The following CTSV variants were observed in gnomAD, a reference collection of about 807,000 sequenced individuals.
The protein encoded by CTSV is cathepsin L2.
A neutral mutation model predicts 35.6 loss-of-function variants in CTSV; 33 were observed. The ratio of observed to expected loss-of-function variants is 0.93; its 90% CI spans 0.70 to 1.24. The LOEUF (loss-of-function observed/expected upper bound fraction) is 1.24, where lower values mean the gene tolerates loss of function less well. Among genes scored for constraint, CTSV ranks in the 50% most tolerant of loss-of-function variants. CTSV has a pLI of 0.00. For synonymous variants in CTSV, 154 were observed against 147.1 expected, an observed-to-expected ratio of 1.05 and a Z score of -0.34; for missense variants, 408 against 413.1, an observed-to-expected ratio of 0.99 and a Z score of 0.11.
At position 97,032,676 on chromosome 9, in the gene CTSV, A is replaced by G. The variant is rs908416471; in HGVS notation, c.*273T>C. The G allele has an allele frequency of 6.2e-6, 2 of 321,020 alleles. No homozygotes were observed. Among genetic ancestry groups the G allele is most frequent in the Non-Finnish European group, 1.1e-5 (2 of 178,532 alleles). The allele number at this position is 321,020 out of a possible 1,614,324, so 19.9% of individuals were successfully genotyped here. ...CACCTTTATATACGAATTAAAATTT[A>G]TTTCAAACTGTTTTGTACATCTTTT... On this transcript the variant is annotated 3_prime_UTR_variant, in exon 8 of 8. Coordinates refer to ENST00000259470, the MANE Select transcript of CTSV (RefSeq NM_001333.4).
Position 97,032,916 on chromosome 9 carries a change from T to C in CTSV, c.*33A>G. 1 of 1,517,262 alleles carries C rather than the reference T, an allele frequency of 6.6e-7. No individual in the cohort carries two copies. The highest frequency in any genetic ancestry group is 9.0e-7 in the Non-Finnish European group (1 of 1,107,624). 94.0% of individuals were successfully genotyped at this position (1,517,262 alleles called of 1,614,324 possible). A position where few individuals can be genotyped will look rare whatever the true frequency, so the allele number is the denominator to read the frequency against. On this transcript the variant is annotated 3_prime_UTR_variant, in exon 8 of 8. Transcript: ENST00000259470. ...AGATAAAATTTCCCCAGACATGCTGTCCTTAAGTCCTTCCTCCTCACCATC... is the reference window on the plus strand; with the variant it reads ...AGATAAAATTTCCCCAGACATGCTGCCCTTAAGTCCTTCCTCCTCACCATC...
At position 97,031,108 on chromosome 9, in the gene CTSV, A is replaced by C. The variant is rs1383422548; in HGVS notation, c.*1841T>G. ...AGATTTGAAATTTTTTTATTTGAATAAAAAGCCATCACTCTTTCATTCAAT... is the reference window on the plus strand; with the variant it reads ...AGATTTGAAATTTTTTTATTTGAATCAAAAGCCATCACTCTTTCATTCAAT... On this transcript the variant is annotated 3_prime_UTR_variant, in exon 8 of 8. Coordinates refer to ENST00000259470, the MANE Select transcript of CTSV (RefSeq NM_001333.4). The C allele has an allele frequency of 6.6e-6, 1 of 152,238 alleles. No individual in the cohort carries two copies. Among genetic ancestry groups the C allele is most frequent in the Non-Finnish European group, 1.5e-5 (1 of 68,036 alleles). The allele number at this position is 152,238 out of a possible 1,614,324, so 9.4% of individuals were successfully genotyped here.
In CTSV at chr9:97,031,020, C is replaced by G. The variant is rs554872657; in HGVS notation, c.*1929G>C. ...CACAAGTTTAAAATATTTCAAAGGT[C>G]TTTGAAAATTATAAAATCTTGAAAT... On this transcript the variant is annotated 3_prime_UTR_variant, in exon 8 of 8. Coordinates refer to ENST00000259470, the MANE Select transcript of CTSV (RefSeq NM_001333.4). 7.9e-5 allele frequency: 12 copies of G among 152,270 alleles called. No homozygotes were observed. The East Asian group carries it at 2.3e-3, about 29-fold the overall frequency. 9.4% of individuals were successfully genotyped at this position (152,270 alleles called of 1,614,324 possible).
At chr9:97,034,559 A>G in intron 7 of CTSV, 167 bp downstream of exon 7, 4 of 586,592 alleles carry the variant, frequency 6.8e-6, no homozygotes, top group South Asian at 2.4e-5. Context: ...ATACATAGCA[A>G]TAACTCCAAA....
chr9:97,036,109 G>C (rs568141277), intron 5 of CTSV, among the ~76,000 whole-genome samples: 1 of 150,726 alleles, frequency 6.6e-6, no homozygotes, highest in Non-Finnish European at 1.5e-5. Context: ...CTCGCTCTGC[G>C]GCCCAGGCTG....
intron 5 of CTSV, 101 bp downstream of exon 5, chr9:97,036,422 C>A: frequency 1.2e-6 from 1 of 853,830 alleles, no homozygotes; most frequent in Non-Finnish European, 2.0e-6. Context: ...GTAGATTCTA[C>A]CATATAAAAT....
intron 2 of CTSV, 107 bp from the exon 3 acceptor site, chr9:97,037,722 G>C: frequency 1.3e-6 from 2 of 1,494,588 alleles, no homozygotes; most frequent in Non-Finnish European, 1.8e-6. Flanking sequence ...CCAGGGATGG[G>C]TTGATACTTC....
rs10123754 is a variant in CTSV, at chr9:97,029,926, T to G, written c.*3023A>C. Reference sequence around the variant, plus strand: ...GTACAGTACTCAGCACAGTGATGTGTTGCACAGGTGCGTAGCTTAGGAGCA... The same window carrying G: ...GTACAGTACTCAGCACAGTGATGTGGTGCACAGGTGCGTAGCTTAGGAGCA... On this transcript the variant is annotated 3_prime_UTR_variant, in exon 8 of 8. Transcript: ENST00000259470. The G allele has an allele frequency of 6.6e-6, 1 of 152,058 alleles. No individual in the cohort carries two copies. Among genetic ancestry groups the G allele is most frequent in the South Asian group, 2.1e-4 (1 of 4,830 alleles). 9.4% of individuals were successfully genotyped at this position (152,058 alleles called of 1,614,324 possible). A position where few individuals can be genotyped will look rare whatever the true frequency, so the allele number is the denominator to read the frequency against.
intron 6 of CTSV, 105 bp from the exon 7 acceptor site, chr9:97,034,948 T>TAAGCCGAG: frequency 1.2e-6 from 1 of 803,094 alleles, no homozygotes; most frequent in Non-Finnish European, 2.0e-6. Flanking sequence ...TTCAGTAAAA[T>TAAGCCGAG]GTCATAAACA....
In CTSV at chr9:97,029,873, C is replaced by T. The variant is rs185921246; in HGVS notation, c.*3076G>A. 7.9e-5 allele frequency: 12 copies of T among 152,316 alleles called. No homozygotes were observed. Among genetic ancestry groups the T allele is most frequent in the African/African-American group, 1.2e-4 (5 of 41,562 alleles). 9.4% of individuals were successfully genotyped at this position (152,316 alleles called of 1,614,324 possible). A position where few individuals can be genotyped will look rare whatever the true frequency, so the allele number is the denominator to read the frequency against. On this transcript the variant is annotated 3_prime_UTR_variant, in exon 8 of 8. Transcript: ENST00000259470. ...TACTGTACTTTTCTGTTCAGATACACGAATACTTACCACTGTGTTACAACT... is the reference window on the plus strand; with the variant it reads ...TACTGTACTTTTCTGTTCAGATACATGAATACTTACCACTGTGTTACAACT...
At position 97,035,682 on chromosome 9, in the gene CTSV, A is replaced by G; in HGVS notation, c.633T>C (p.Cys211=). 6.5e-7 allele frequency: 1 copy of G among 1,533,400 alleles called. No homozygotes were observed. Among genetic ancestry groups the G allele is most frequent in the Non-Finnish European group, 8.8e-7 (1 of 1,135,582 alleles). 95.0% of individuals were successfully genotyped at this position (1,533,400 alleles called of 1,614,324 possible). Residue 211 remains cysteine, a synonymous_variant, in exon 6 of 8, where the codon TGT becomes TGC. Coordinates refer to ENST00000259470, the MANE Select transcript of CTSV (RefSeq NM_001333.4). ...CAACAGAATTCTCAGGTCTGTACTTACAGATTTCATCCTTTTAAAGTTAAA... is the reference window on the plus strand; with the variant it reads ...CAACAGAATTCTCAGGTCTGTACTTGCAGATTTCATCCTTTTAAAGTTAAA... ...SYPYVAVDEI[C]KYRPENSVAN...
intron 7 of CTSV, among the ~76,000 whole-genome samples, 195 bp from the exon 8 acceptor site, chr9:97,033,243 G>A (rs541806664): frequency 3.9e-5 from 6 of 152,110 alleles, no homozygotes; most frequent in Non-Finnish European, 8.8e-5. Flanking sequence ...TTGGGAGGCC[G>A]AGGTGGGCAG....
chr9:97,035,643 GC>G lies in CTSV; in HGVS notation c.671del (p.Gly224AlafsTer13). On this transcript the variant is annotated frameshift_variant, in exon 6 of 8. Coordinates refer to ENST00000259470, the MANE Select transcript of CTSV (RefSeq NM_001333.4). LOFTEE classifies it high-confidence loss of function. ...RPENSVANDT[G>X]FTVVAPGKEK... is the part of the protein sequence containing the mutation. Reference sequence around the variant, plus strand: ...CCTTTCCAGGTGCGACCACTGTGAAGCCAGTGTCATTAGCAACAGAATTCTC... The same window carrying G: ...CCTTTCCAGGTGCGACCACTGTGAAGCAGTGTCATTAGCAACAGAATTCTC... The G allele has an allele frequency of 1.3e-6, 2 of 1,598,420 alleles. No individual in the cohort carries two copies. Among genetic ancestry groups the G allele is most frequent in the Non-Finnish European group, 8.5e-7 (1 of 1,171,614 alleles).
rs541523652 is a variant in CTSV, at chr9:97,031,355, C to T, written c.*1594G>A. On this transcript the variant is annotated 3_prime_UTR_variant, in exon 8 of 8. Coordinates refer to ENST00000259470, the MANE Select transcript of CTSV (RefSeq NM_001333.4). ...TGCCCCTTCCCTCCCATTGCATTCA[C>T]AATGGATCACCTTTCGATTAAATTT... 6.6e-6 allele frequency: 1 copy of T among 152,294 alleles called. No individual in the cohort carries two copies. The highest frequency in any genetic ancestry group is 1.9e-4 in the East Asian group (1 of 5,182). The allele number at this position is 152,294 out of a possible 1,614,324, so 9.4% of individuals were successfully genotyped here.
intron 1 of CTSV, among the ~76,000 whole-genome samples, chr9:97,038,736 C>A (rs1037159534): frequency 6.6e-6 from 1 of 152,156 alleles, no homozygotes; most frequent in East Asian, 1.9e-4. Context: ...ACCGCCTGCT[C>A]TCGCCCTCTG....
At position 97,034,595 on chromosome 9, in the gene CTSV, A is replaced by G. The variant is rs903587108; in HGVS notation, c.905+131T>C. 4.0e-5 allele frequency: 28 copies of G among 691,956 alleles called. No homozygotes were observed. The East Asian group carries it at 6.8e-4, about 17-fold the overall frequency. 42.9% of individuals were successfully genotyped at this position (691,956 alleles called of 1,614,324 possible). On this transcript the variant is annotated intron_variant, in intron 7 of 7. Transcript: ENST00000259470. ...AAGCTTGGTACGGAATCTTATAATCAAACATTAATATTTCTGTGTTCACTC... is the reference window on the plus strand; with the variant it reads ...AAGCTTGGTACGGAATCTTATAATCGAACATTAATATTTCTGTGTTCACTC...
rs149018053 is a variant in CTSV, at chr9:97,032,976, G to A, written c.978C>T (p.Ala326=). 74 of 1,612,958 alleles carry A rather than the reference G, an allele frequency of 4.6e-5. No homozygotes were observed. In the African/African-American group the frequency reaches 8.8e-4, roughly 19 times the overall value. The change falls in exon 8 of 8, where the codon GCC becomes GCT. Residue 326 remains alanine, a synonymous_variant. Coordinates refer to ENST00000259470, the MANE Select transcript of CTSV (RefSeq NM_001333.4). ...ACACATTGGGGTAGCTGGCTGCTGT[G>A]GCGATTCCACAGTGGTTGTTCTTGT... is the stretch of plus-strand genomic sequence containing the variant. ...AKDKNNHCGI[A]TAASYPNV
chr9:97,036,778 T>G lies in CTSV; in HGVS notation c.397-31A>C, dbSNP rs200971336. The G allele has an allele frequency of 3.2e-4, 487 of 1,531,636 alleles. 2 individuals carry two copies. In the African/African-American group the frequency reaches 4.9e-3, roughly 15 times the overall value. The allele number at this position is 1,531,636 out of a possible 1,614,324, so 94.9% of individuals were successfully genotyped here. On this transcript the variant is annotated intron_variant, in intron 4 of 7. Coordinates refer to ENST00000259470, the MANE Select transcript of CTSV (RefSeq NM_001333.4). Reference sequence around the variant, plus strand: ...AAGGGAGAAAAAAAAAGCTGTAAATTTACAAGACCAATACAAATACAGTAC... The same window carrying G: ...AAGGGAGAAAAAAAAAGCTGTAAATGTACAAGACCAATACAAATACAGTAC...
chr9:97,031,641 C>T lies in CTSV; in HGVS notation c.*1308G>A, dbSNP rs1359604324. The stretch of plus-strand genomic sequence containing the variant: ...CTACCTGTGTAACTATATGCTTAGC[C>T]TTTTTCCCCCCATTTTGAGTTTATT... On this transcript the variant is annotated 3_prime_UTR_variant, in exon 8 of 8. Transcript: ENST00000259470. The T allele has an allele frequency of 2.0e-5, 3 of 152,114 alleles. No homozygotes were observed. Among genetic ancestry groups the T allele is most frequent in the Non-Finnish European group, 4.4e-5 (3 of 68,036 alleles). 9.4% of individuals were successfully genotyped at this position (152,114 alleles called of 1,614,324 possible).
Sources: allele counts gnomAD v4.1 joint callset (sites outside exome capture counted in the v4.1 genomes callset), GRCh38; gene constraint gnomAD v4.1.1; transcripts MANE v1.5; gene names NCBI Gene and HGNC (gene_info 2026-07-23, HGNC 2026-07-21).